Variants in KIF6 observed in about 807,000 individuals in gnomAD.
KIF6 encodes kinesin family member 6.
KIF6 carries 106 observed loss-of-function variants against 112.7 expected under a neutral mutation model. The observed-to-expected ratio is 0.94, with a 90% CI of 0.80 to 1.11. KIF6 has a LOEUF of 1.11. Among genes scored for constraint, KIF6 ranks in the 50% least tolerant of loss-of-function variants. The pLI is 0.00. For missense variants in KIF6, 929 were observed against 964.0 expected (o/e 0.96, Z 0.48); for synonymous variants, 339 against 339.9 (o/e 1.00, Z 0.03).
intron 3 of KIF6, among the ~76,000 whole-genome samples, chr6:39,676,891 G>A (rs948107791): frequency 2.0e-5 from 3 of 152,008 alleles, no homozygotes; most frequent in Admixed American, 2.0e-4. Context: ...TGATAGAAAT[G>A]ATTGCAAATG....
chr6:39,407,363 C>T (rs1769165636), intron 15 of KIF6, among the ~76,000 whole-genome samples: 1 of 152,132 alleles, frequency 6.6e-6, no homozygotes, highest in African/African-American at 2.4e-5. Flanking sequence ...TAAGATGCCC[C>T]TTGATGTCTT....
chr6:39,457,662 G>A (rs1391889459), intron 13 of KIF6, among the ~76,000 whole-genome samples: 2 of 151,964 alleles, frequency 1.3e-5, no homozygotes, highest in African/African-American at 4.8e-5. Context: ...GAATCAAATA[G>A]ACACGATAAA....
chr6:39,427,204 CCCACAGTTGGG>C (rs1427603603), intron 14 of KIF6, among the ~76,000 whole-genome samples: 1 of 152,110 alleles, frequency 6.6e-6, no homozygotes, highest in African/African-American at 2.4e-5. Flanking sequence ...TGCCCATCTT[CCCACAGTTGGG>C]CCACATGAGT....
intron 9 of KIF6, among the ~76,000 whole-genome samples, chr6:39,582,480 C>T (rs113487474): frequency 0.014 from 2,107 of 152,160 alleles, 48 homozygotes; most frequent in African/African-American, 0.048. Context: ...GGTGCAATCT[C>T]GGTTCACTGT....
At chr6:39,592,221 T>C (rs1781992599) in intron 7 of KIF6, among the ~76,000 whole-genome samples, 1 of 152,244 alleles carries the variant, frequency 6.6e-6, no homozygotes, top group Non-Finnish European at 1.5e-5. Context: ...ATTCTCTAAC[T>C]GACAAGGAGT....
intron 12 of KIF6, among the ~76,000 whole-genome samples, chr6:39,540,846 A>G (rs73414660): frequency 0.012 from 1,775 of 152,328 alleles, 38 homozygotes; most frequent in African/African-American, 0.04. Flanking sequence ...TAGCACAGAC[A>G]TATCATTTTA....
At chr6:39,564,016 G>C (rs144627169) in intron 10 of KIF6, among the ~76,000 whole-genome samples, 1 of 152,142 alleles carries the variant, frequency 6.6e-6, no homozygotes, top group Non-Finnish European at 1.5e-5. Context: ...AAAGTGGCAC[G>C]CAGGAAAAAG....
chr6:39,663,967 G>T (rs1582398171), intron 3 of KIF6, among the ~76,000 whole-genome samples: 1 of 151,762 alleles, frequency 6.6e-6, no homozygotes, highest in East Asian at 1.9e-4. Context: ...CATGTTGAAA[G>T]ATTTGTTCCT....
At chr6:39,588,175 A>G (rs1321999681) in intron 7 of KIF6, among the ~76,000 whole-genome samples, 2 of 152,020 alleles carry the variant, frequency 1.3e-5, no homozygotes, top group East Asian at 1.9e-4. Flanking sequence ...CTTTCTCCCT[A>G]TGTAATCTCA....
chr6:39,699,823 TTAA>T (rs1788771665), intron 3 of KIF6, among the ~76,000 whole-genome samples: 1 of 152,200 alleles, frequency 6.6e-6, no homozygotes. Flanking sequence ...TAATACTTTA[TTAA>T]TATATCTTGA....
chr6:39,708,087 A>G (rs150494061), intron 3 of KIF6, among the ~76,000 whole-genome samples: 2 of 152,268 alleles, frequency 1.3e-5, no homozygotes, highest in African/African-American at 4.8e-5. Context: ...TGGTTGGATT[A>G]GCAGAACTGG....
intron 13 of KIF6, among the ~76,000 whole-genome samples, chr6:39,486,169 A>T (rs1031818023): frequency 6.6e-6 from 1 of 152,218 alleles, no homozygotes; most frequent in African/African-American, 2.4e-5. Context: ...GATTAATAAG[A>T]TATCACGGAA....
At chr6:39,694,380 T>C (rs533322711) in intron 3 of KIF6, among the ~76,000 whole-genome samples, 6 of 152,278 alleles carry the variant, frequency 3.9e-5, no homozygotes, top group Admixed American at 2.0e-4. Context: ...AGTCAAATTA[T>C]TTCTTCACTG....
intron 15 of KIF6, among the ~76,000 whole-genome samples, chr6:39,390,031 CAAAAAA>C (rs943420819): frequency 2.3e-5 from 1 of 43,558 alleles, no homozygotes. Flanking sequence ...ACTCTGTCTC[CAAAAAA>C]AAAAAAAAAA....
chr6:39,691,679 T>C (rs1230794549), intron 3 of KIF6: 3 of 152,184 alleles, frequency 2.0e-5, no homozygotes, highest in African/African-American at 7.2e-5. Context: ...TTTACATAAG[T>C]AAAAGGCATC....
intron 5 of KIF6, among the ~76,000 whole-genome samples, chr6:39,627,360 A>T (rs1464904704): frequency 6.6e-6 from 1 of 152,054 alleles, no homozygotes; most frequent in African/African-American, 2.4e-5. Context: ...TGTTTTTCAC[A>T]TTCCACCTTA....
intron 16 of KIF6, among the ~76,000 whole-genome samples, chr6:39,371,081 G>C (rs1371709639): frequency 6.6e-6 from 1 of 152,076 alleles, no homozygotes; most frequent in Admixed American, 6.5e-5. Flanking sequence ...CAATTTTTGG[G>C]GTACAAATAT....
chr6:39,519,990 C>T (rs1193185407), intron 13 of KIF6, among the ~76,000 whole-genome samples: 3 of 152,162 alleles, frequency 2.0e-5, no homozygotes, highest in Non-Finnish European at 2.9e-5. Flanking sequence ...CCACTGCACT[C>T]CAGCCTGGGC....
At chr6:39,700,188 CTT>C (rs1206091533) in intron 3 of KIF6, among the ~76,000 whole-genome samples, 11 of 152,126 alleles carry the variant, frequency 7.2e-5, no homozygotes, top group Admixed American at 7.2e-4. Context: ...AAAATGTACA[CTT>C]AAGTTATTAT....
Sources: allele counts gnomAD v4.1 joint callset (sites outside exome capture counted in the v4.1 genomes callset), GRCh38; gene constraint gnomAD v4.1.1; transcripts MANE v1.5; gene names NCBI Gene and HGNC (gene_info 2026-07-23, HGNC 2026-07-21).